IMMP1L: variants seen among roughly 807,000 people sequenced by gnomAD.
IMMP1L encodes the protein inner mitochondrial membrane peptidase subunit 1, also known as mitochondrial inner membrane protease subunit 1.
IMMP1L carries 24 observed loss-of-function variants against 21.8 expected under a neutral mutation model. That is an observed-to-expected ratio of 1.10 (90% CI 0.80 to 1.55). The LOEUF is 1.55. Among genes scored for constraint, IMMP1L ranks in the 40% most tolerant of loss-of-function variants. The pLI is 0.00. For synonymous variants in IMMP1L, 46 were observed against 62.8 expected, an observed-to-expected ratio of 0.73 and a Z score of 1.26; for missense variants, 195 against 200.7, an observed-to-expected ratio of 0.97 and a Z score of 0.17.
At chr11:31,471,245 G>A (rs934642099) in intron 1 of IMMP1L, among the ~76,000 whole-genome samples, 1 of 152,094 alleles carries the variant, frequency 6.6e-6, no homozygotes, top group Admixed American at 6.6e-5. Flanking sequence ...ATTATTAAGT[G>A]TTCAAGAAAA....
intron 3 of IMMP1L, among the ~76,000 whole-genome samples, chr11:31,457,295 T>A (rs143987588): frequency 6.6e-6 from 1 of 152,222 alleles, no homozygotes; most frequent in East Asian, 1.9e-4. Context: ...ATGGAAGAAC[T>A]GACAATCTAT....
intron 1 of IMMP1L, among the ~76,000 whole-genome samples, chr11:31,487,673 C>G (rs1955128596): frequency 6.6e-6 from 1 of 152,008 alleles, no homozygotes; most frequent in Non-Finnish European, 1.5e-5. Context: ...AACAAAAGTA[C>G]AGGGAATGGA....
intron 4 of IMMP1L, among the ~76,000 whole-genome samples, chr11:31,434,961 A>T (rs1259233867): frequency 6.6e-6 from 1 of 152,182 alleles, no homozygotes; most frequent in Non-Finnish European, 1.5e-5. Flanking sequence ...ACAGTCATCA[A>T]AAAAGGAACA....
intron 1 of IMMP1L, among the ~76,000 whole-genome samples, chr11:31,504,549 G>A (rs1955724235): frequency 1.3e-5 from 2 of 152,140 alleles, no homozygotes; most frequent in African/African-American, 2.4e-5. Flanking sequence ...GTGTTGATAA[G>A]GATGAGAAGT....
At chr11:31,436,958 A>T (rs1264962631) in intron 4 of IMMP1L, 3 of 208,002 alleles carry the variant, frequency 1.4e-5, no homozygotes, top group African/African-American at 2.3e-5. Context: ...CAGTAAAGGG[A>T]TTGCCTACAT....
At chr11:31,485,719 C>G (rs929467272) in intron 1 of IMMP1L, among the ~76,000 whole-genome samples, 8 of 151,652 alleles carry the variant, frequency 5.3e-5, no homozygotes, top group Non-Finnish European at 7.4e-5. Flanking sequence ...TAAAAGAAAA[C>G]AAAACAAATG....
intron 1 of IMMP1L, among the ~76,000 whole-genome samples, chr11:31,501,792 A>G (rs1354914456): frequency 2.4e-5 from 1 of 42,338 alleles, no homozygotes; most frequent in South Asian, 9.2e-4. Flanking sequence ...CATCTCTACA[A>G]ATAAATAAAT....
rs1955855801 is a variant in IMMP1L at position 31,508,327 on chromosome 11, T to C, written c.-30+1192A>G. Among the ~76,000 whole-genome samples the C allele has an allele frequency of 2.0e-5, 3 of 152,342 alleles. No individual in the cohort carries two copies. The South Asian group carries it at 6.2e-4, about 32-fold the overall frequency. ...TTGTTTTCTATGTGTTAATTTTATC[T>C]CCTCCAGGTGAGACCATTTTTATTA... On this transcript the variant is annotated intron_variant, in intron 1 of 5. Coordinates refer to ENST00000532287, the MANE Select transcript of IMMP1L (RefSeq NM_001304274.2).
intron 3 of IMMP1L, among the ~76,000 whole-genome samples, chr11:31,456,894 A>C (rs1341916760): frequency 6.9e-5 from 10 of 145,160 alleles, no homozygotes; most frequent in African/African-American, 2.5e-4. Context: ...AAAAAAAAAA[A>C]AAAAAAAAAC....
chr11:31,466,642 G>T (rs1489463198), intron 1 of IMMP1L, among the ~76,000 whole-genome samples: 1 of 152,024 alleles, frequency 6.6e-6, no homozygotes, highest in Admixed American at 6.6e-5. Flanking sequence ...TATGTTAAGA[G>T]AAATAAATCT....
At chr11:31,477,961 G>A (rs1001155856) in intron 1 of IMMP1L, among the ~76,000 whole-genome samples, 3 of 152,182 alleles carry the variant, frequency 2.0e-5, no homozygotes, top group African/African-American at 7.2e-5. Context: ...CAAAAAGGCA[G>A]CAGATTCTGC....
At chr11:31,487,812 T>C (rs1314710681) in intron 1 of IMMP1L, among the ~76,000 whole-genome samples, 12 of 152,154 alleles carry the variant, frequency 7.9e-5, no homozygotes, top group Admixed American at 7.9e-4. Flanking sequence ...AACTTTTAGA[T>C]GCTGCTCAAC....
intron 4 of IMMP1L, among the ~76,000 whole-genome samples, chr11:31,451,849 T>C (rs560497839): frequency 6.6e-6 from 1 of 152,132 alleles, no homozygotes; most frequent in South Asian, 2.1e-4. Context: ...AACTTCAGGG[T>C]TTGAAGGTCA....
chr11:31,471,085 T>C (rs1591996647), intron 1 of IMMP1L, among the ~76,000 whole-genome samples: 1 of 152,334 alleles, frequency 6.6e-6, no homozygotes, highest in East Asian at 1.9e-4. Context: ...AATAATTTAG[T>C]GCATATTTTC....
intron 1 of IMMP1L, among the ~76,000 whole-genome samples, chr11:31,490,457 C>T (rs910657460): frequency 1.2e-4 from 17 of 147,764 alleles, no homozygotes; most frequent in African/African-American, 1.8e-4. Context: ...GGTGACAAAG[C>T]GAGACTCCAT....
Position 31,489,480 on chromosome 11 carries a change from T to G in IMMP1L, c.-30+20039A>C, listed in dbSNP as rs148149840. Among the ~76,000 whole-genome samples the G allele has an allele frequency of 3.2e-3, 494 of 152,316 alleles. 2 individuals are homozygous for G. Among genetic ancestry groups the G allele is most frequent in the African/African-American group, 0.011 (449 of 41,566 alleles). On this transcript the variant is annotated intron_variant, in intron 1 of 5. Transcript: ENST00000532287. ...TGGCGAATGATATAAAGAATACGGTTTCACTCTAATAATTACCATCAATTT... is the reference window on the plus strand; with the variant it reads ...TGGCGAATGATATAAAGAATACGGTGTCACTCTAATAATTACCATCAATTT...
intron 1 of IMMP1L, chr11:31,473,691 C>A (rs1312157412): frequency 1.5e-5 from 14 of 929,400 alleles, no homozygotes; most frequent in African/African-American, 1.8e-5. Context: ...TTCTAAGATT[C>A]TAATTTGGAT....
At chr11:31,505,320 A>C (rs1202368514) in intron 1 of IMMP1L, among the ~76,000 whole-genome samples, 1 of 152,238 alleles carries the variant, frequency 6.6e-6, no homozygotes, top group East Asian at 1.9e-4. Context: ...ATAGTTGTTT[A>C]AGATAGGCAC....
intron 4 of IMMP1L, among the ~76,000 whole-genome samples, chr11:31,435,451 T>C (rs1190250850): frequency 1.3e-5 from 2 of 152,208 alleles, no homozygotes; most frequent in Non-Finnish European, 2.9e-5. Context: ...AGTAATGCCA[T>C]GATTTGACTT....
Sources: allele counts gnomAD v4.1 joint callset (sites outside exome capture counted in the v4.1 genomes callset), GRCh38; gene constraint gnomAD v4.1.1; transcripts MANE v1.5; gene names NCBI Gene and HGNC (gene_info 2026-07-23, HGNC 2026-07-21).